The following LRRK2 variants were observed in gnomAD, a reference collection of about 807,000 sequenced individuals.
The protein encoded by LRRK2 is leucine-rich repeat serine/threonine-protein kinase 2.
In LRRK2, 203 loss-of-function variants were observed where a neutral mutation model predicts 302.6. That is an observed-to-expected ratio of 0.67 (90% CI 0.60 to 0.75). The LOEUF is 0.75. LRRK2 is among the 30% of genes least tolerant of loss of function. The pLI, the probability that LRRK2 is intolerant of heterozygous loss-of-function variation, is 0.00. For synonymous variants in LRRK2, 1,066 were observed against 1,031.9 expected (o/e 1.03, Z -0.63); for missense variants, 2,830 against 2,951.0 (o/e 0.96, Z 0.95).
chr12:40,240,433 C>T (rs1203025123), intron 5 of LRRK2, 50 bp from the exon 6 acceptor site: 1 of 1,542,152 alleles, frequency 6.5e-7, no homozygotes, highest in Non-Finnish European at 8.9e-7. Context: ...AATAATTAAA[C>T]TTTCATATCA....
At chr12:40,295,723 G>A (rs777608990) in intron 23 of LRRK2, 79 bp downstream of exon 23, 50 of 1,362,682 alleles carry the variant, frequency 3.7e-5, no homozygotes, top group South Asian at 8.7e-5. Flanking sequence ...TAATTAAGTC[G>A]TTTAAAAGAA....
At position 40,302,862 on chromosome 12, in the gene LRRK2, A is replaced by T; in HGVS notation, c.3570A>T (p.Glu1190Asp). 1 of 1,599,062 alleles carries T rather than the reference A, an allele frequency of 6.3e-7. No homozygotes were observed. The highest frequency in any genetic ancestry group is 8.6e-7 in the Non-Finnish European group (1 of 1,166,848). The change falls in exon 26 of 51, where the codon GAA (glutamate) becomes GAT (aspartate). Residue 1190 changes from glutamate (E) to aspartate (D), a missense_variant. By Grantham distance (45) the Glu-to-Asp change is conservative. Around this residue, in one of 3 missense-constraint regions of LRRK2, gnomAD observed 2,121 missense variants for 2,148.0 expected, o/e 0.99. Coordinates refer to ENST00000298910, the MANE Select transcript of LRRK2 (RefSeq NM_198578.4). ...AGAACAAATTTTCCTGTATTCCAGA[A>T]GCAATTTTAAATCTTCCACAGTAAG... ...LSQNKFSCIP[E>D]AILNLPHLRS...
chr12:40,327,828 G>A lies in LRRK2; in HGVS notation c.5657-532G>A, dbSNP rs139061580. On this transcript the variant is annotated intron_variant, in intron 38 of 50. Transcript: ENST00000298910. ...ACACAGTGGACTGCCACTGTTAGCC[G>A]TGGGGTTAGACCACAGCAAGAGTTA... 2.4e-4 allele frequency among the ~76,000 whole-genome samples: 36 copies of A among 152,294 alleles called. No homozygotes were observed. In the East Asian group the frequency reaches 4.6e-3, roughly 20 times the overall value.
intron 8 of LRRK2, among the ~76,000 whole-genome samples, chr12:40,250,872 T>TA: frequency 6.6e-6 from 1 of 152,222 alleles, no homozygotes; most frequent in South Asian, 2.1e-4. Flanking sequence ...TATTCCATGG[T>TA]ATATATGTAC....
intron 22 of LRRK2, 112 bp downstream of exon 22, chr12:40,295,026 A>G (rs1944325854): frequency 1.5e-6 from 1 of 689,448 alleles, no homozygotes; most frequent in South Asian, 1.8e-5. Flanking sequence ...CATCTTACAT[A>G]ATCTTCATAT....
Position 40,304,150 on chromosome 12 carries a change from C to A in LRRK2, c.3777+16C>A, listed in dbSNP as rs756624439. 3 of 1,606,832 alleles carry A rather than the reference C, an allele frequency of 1.9e-6. No homozygotes were observed. The African/African-American group carries it at 4.0e-5, about 22-fold the overall frequency. On this transcript the variant is annotated intron_variant, in intron 27 of 50. Transcript: ENST00000298910. ...ACTGAAAGAGGTAAGACGATTATTG[C>A]CACTTAAAAAATATACTTTATGATT...
intron 11 of LRRK2, among the ~76,000 whole-genome samples, chr12:40,254,579 C>T (rs1365249434): frequency 6.6e-6 from 1 of 152,156 alleles, no homozygotes; most frequent in South Asian, 2.1e-4. Flanking sequence ...GTTGGGGCAC[C>T]TTTAGAGTGG....
At chr12:40,318,400 A>G (rs1945292055) in intron 33 of LRRK2, among the ~76,000 whole-genome samples, 1 of 152,098 alleles carries the variant, frequency 6.6e-6, no homozygotes, top group South Asian at 2.1e-4. Flanking sequence ...AGATTAGAAT[A>G]ACTAGATAAT....
intron 14 of LRRK2, among the ~76,000 whole-genome samples, chr12:40,264,636 C>A (rs752833669): frequency 6.6e-6 from 1 of 152,118 alleles, no homozygotes; most frequent in Non-Finnish European, 1.5e-5. Flanking sequence ...AAAACAAAAA[C>A]AGACAAACAA....
In LRRK2 at chr12:40,369,134, T is replaced by A. The variant is rs1326775138; in HGVS notation, c.*1369T>A. The A allele has an allele frequency of 6.6e-6, 1 of 151,896 alleles. No homozygotes were observed. The highest frequency in any genetic ancestry group is 2.4e-5 in the African/African-American group (1 of 41,414). 9.4% of individuals were successfully genotyped at this position (151,896 alleles called of 1,614,324 possible). A position where few individuals can be genotyped will look rare whatever the true frequency, so the allele number is the denominator to read the frequency against. ...AGCTATGCTTTAACTTGTTATGTAA[T>A]TAACAAAAAAATCATATATAATAGA... On this transcript the variant is annotated 3_prime_UTR_variant, in exon 51 of 51. Transcript: ENST00000298910.
chr12:40,294,628 A>G (rs1358553334), intron 21 of LRRK2, among the ~76,000 whole-genome samples: 4 of 152,050 alleles, frequency 2.6e-5, no homozygotes, highest in African/African-American at 9.7e-5. Context: ...TATATTTAAA[A>G]CAAAGGAGAA....
At chr12:40,232,449 C>T in intron 3 of LRRK2, 66 bp downstream of exon 3, 1 of 1,111,550 alleles carries the variant, frequency 9.0e-7, no homozygotes, top group Non-Finnish European at 1.4e-6. Flanking sequence ...ACAACCTTCC[C>T]TTGATACACT....
chr12:40,283,297 T>C (rs991421345), intron 18 of LRRK2, among the ~76,000 whole-genome samples: 6 of 152,148 alleles, frequency 3.9e-5, no homozygotes, highest in Non-Finnish European at 8.8e-5. Context: ...TCTGAAAACA[T>C]AACATTTAGA....
At chr12:40,286,123 A>G (rs1487678670) in intron 19 of LRRK2, among the ~76,000 whole-genome samples, 2 of 151,964 alleles carry the variant, frequency 1.3e-5, no homozygotes, top group Non-Finnish European at 2.9e-5. Flanking sequence ...AGTTTTTACC[A>G]TTGACACATC....
rs184757047 is a variant in LRRK2 at position 40,258,757 on chromosome 12, G to C, written c.1419-723G>C. ...CCAAGGAGGGGAGGCTCCAATGGAG[G>C]GATGTGTTTAAACTGGGACTTTAAG... is the stretch of plus-strand genomic sequence containing the variant. On this transcript the variant is annotated intron_variant, in intron 12 of 50. Coordinates refer to ENST00000298910, the MANE Select transcript of LRRK2 (RefSeq NM_198578.4). Among the ~76,000 whole-genome samples the C allele has an allele frequency of 1.4e-4, 22 of 152,314 alleles. No homozygotes were observed. The East Asian group carries it at 4.2e-3, about 29-fold the overall frequency.
In LRRK2 at chr12:40,359,204, T is replaced by C. The variant is rs559353409; in HGVS notation, c.6844-56T>C. On this transcript the variant is annotated intron_variant, in intron 46 of 50. Transcript: ENST00000298910. The stretch of plus-strand genomic sequence containing the variant: ...TTTTGAAAGCACAGATTTTATGGAG[T>C]TTTGTTCTGTGGATACTCAATTTGC... 1.4e-5 allele frequency: 21 copies of C among 1,464,244 alleles called. No homozygotes were observed. The East Asian group carries it at 4.4e-4, about 30-fold the overall frequency. 90.7% of individuals were successfully genotyped at this position (1,464,244 alleles called of 1,614,324 possible).
intron 47 of LRRK2, among the ~76,000 whole-genome samples, chr12:40,363,121 T>A (rs895024766): frequency 1.3e-5 from 2 of 152,044 alleles, no homozygotes; most frequent in Non-Finnish European, 1.5e-5. Flanking sequence ...CCACATAGAA[T>A]TGAAACTAAA....
intron 12 of LRRK2, among the ~76,000 whole-genome samples, chr12:40,258,472 G>A (rs1267185580): frequency 3.3e-5 from 5 of 152,076 alleles, no homozygotes; most frequent in South Asian, 2.1e-4. Flanking sequence ...AAAACACAGC[G>A]GAATAAACTC....
chr12:40,272,357 A>G (rs1178564121), intron 14 of LRRK2, among the ~76,000 whole-genome samples: 2 of 152,198 alleles, frequency 1.3e-5, no homozygotes, highest in East Asian at 3.8e-4. Context: ...TGGGCTTAGA[A>G]CTTGAAAGAT....
Sources: allele counts gnomAD v4.1 joint callset (sites outside exome capture counted in the v4.1 genomes callset), GRCh38; gene constraint gnomAD v4.1.1; regional missense constraint gnomAD v4.1.1; transcripts MANE v1.5; gene names NCBI Gene and HGNC (gene_info 2026-07-23, HGNC 2026-07-21).